Variants in LRMDA observed in about 807,000 individuals in gnomAD.
LRMDA encodes leucine rich melanocyte differentiation associated.
A neutral mutation model predicts 29.8 loss-of-function variants in LRMDA; 18 were observed. The observed-to-expected ratio is 0.60, with a 90% CI of 0.42 to 0.90. The LOEUF (loss-of-function observed/expected upper bound fraction) is 0.90. LRMDA is among the 40% of genes least tolerant of loss of function. The pLI, the probability that LRMDA is intolerant of heterozygous loss-of-function variation, is 0.00. For synonymous variants in LRMDA, 125 were observed against 109.4 expected (o/e 1.14, Z -0.89); for missense variants, 273 against 273.9 (o/e 1.00, Z 0.02).
chr10:75,753,782 G>A (rs1289503599), intron 2 of LRMDA, among the ~76,000 whole-genome samples: 2 of 152,206 alleles, frequency 1.3e-5, no homozygotes, highest in African/African-American at 4.8e-5. Context: ...TTAGAAATGA[G>A]GCAGGCAAGA....
intron 2 of LRMDA, among the ~76,000 whole-genome samples, chr10:75,897,846 G>T (rs995317875): frequency 1.0e-5 from 1 of 99,572 alleles, no homozygotes; most frequent in Non-Finnish European, 1.9e-5. Flanking sequence ...TTTTTGAGAC[G>T]GAGTCTCACG....
chr10:75,890,439 T>C (rs560891281), intron 2 of LRMDA, among the ~76,000 whole-genome samples: 1 of 152,322 alleles, frequency 6.6e-6, no homozygotes, highest in Non-Finnish European at 1.5e-5. Flanking sequence ...CAGGATGTAA[T>C]CAGTTCTCAC....
intron 5 of LRMDA, among the ~76,000 whole-genome samples, chr10:76,207,483 CTGACT>C (rs1851557870): frequency 6.6e-6 from 1 of 152,174 alleles, no homozygotes; most frequent in Non-Finnish European, 1.5e-5. Flanking sequence ...CACATTATTA[CTGACT>C]TAAGTATTTA....
At chr10:76,264,674 G>C (rs1411610666) in intron 5 of LRMDA, among the ~76,000 whole-genome samples, 1 of 152,060 alleles carries the variant, frequency 6.6e-6, no homozygotes, top group Non-Finnish European at 1.5e-5. Flanking sequence ...TTAATTCTTT[G>C]GGAGAGGAGT....
intron 2 of LRMDA, among the ~76,000 whole-genome samples, chr10:75,497,644 T>A (rs1318956224): frequency 1.3e-5 from 2 of 152,030 alleles, no homozygotes; most frequent in African/African-American, 2.4e-5. Flanking sequence ...TTGCTCTTTT[T>A]TTTTTTCTTT....
intron 6 of LRMDA, among the ~76,000 whole-genome samples, chr10:76,335,609 T>C (rs1840957616): frequency 6.6e-6 from 1 of 152,174 alleles, no homozygotes; most frequent in Non-Finnish European, 1.5e-5. Flanking sequence ...GAGACATCAA[T>C]CAAATACATG....
chr10:76,243,353 A>G (rs1324550038), intron 5 of LRMDA, among the ~76,000 whole-genome samples: 1 of 151,538 alleles, frequency 6.6e-6, no homozygotes, highest in Non-Finnish European at 1.5e-5. Flanking sequence ...GGGCTTGGTA[A>G]CAAATACTAT....
chr10:75,666,816 T>C (rs1228596058), intron 2 of LRMDA, among the ~76,000 whole-genome samples: 1 of 152,156 alleles, frequency 6.6e-6, no homozygotes, highest in Non-Finnish European at 1.5e-5. Context: ...GCCAGATGGG[T>C]CCAGTACTAC....
chr10:76,518,280 CATCTATCT>C (rs10568061), intron 6 of LRMDA, among the ~76,000 whole-genome samples: 7,209 of 146,620 alleles, frequency 0.049, 218 homozygotes, highest in Middle Eastern at 0.081. Flanking sequence ...ATTTATCTAT[CATCTATCT>C]ATCTATCTAT....
chr10:76,449,894 T>C (rs1292537990), intron 6 of LRMDA, among the ~76,000 whole-genome samples: 1 of 152,048 alleles, frequency 6.6e-6, no homozygotes, highest in Non-Finnish European at 1.5e-5. Context: ...CATTTTATGA[T>C]AAAATCCTGA....
At chr10:76,246,538 C>A (rs1265349152) in intron 5 of LRMDA, among the ~76,000 whole-genome samples, 1 of 121,022 alleles carries the variant, frequency 8.3e-6, no homozygotes, top group Non-Finnish European at 1.9e-5. Context: ...GTGCTTGGAA[C>A]CAGGGGTGCA....
chr10:76,165,193 G>A (rs977706148), intron 5 of LRMDA, among the ~76,000 whole-genome samples: 3 of 151,592 alleles, frequency 2.0e-5, no homozygotes, highest in Admixed American at 1.3e-4. Flanking sequence ...GGCTGGTCTC[G>A]AACTCTTGAC....
chr10:76,453,816 G>T (rs1842430296), intron 6 of LRMDA, among the ~76,000 whole-genome samples: 1 of 152,124 alleles, frequency 6.6e-6, no homozygotes, highest in Admixed American at 6.5e-5. Flanking sequence ...GTTCATAATT[G>T]TACCATTTGA....
chr10:76,443,366 A>G (rs1035762273), intron 6 of LRMDA, among the ~76,000 whole-genome samples: 2 of 152,216 alleles, frequency 1.3e-5, no homozygotes, highest in African/African-American at 2.4e-5. Context: ...TGACTCTGGC[A>G]TCACATCTTC....
At chr10:76,510,531 A>G (rs928085600) in intron 6 of LRMDA, among the ~76,000 whole-genome samples, 6 of 152,196 alleles carry the variant, frequency 3.9e-5, no homozygotes, top group Non-Finnish European at 7.3e-5. Context: ...ATAGCTGGGA[A>G]GAGCACAGAC....
Position 76,363,610 on chromosome 10 carries a change from C to G in LRMDA, c.601+39125C>G, listed in dbSNP as rs116752376. Among the ~76,000 whole-genome samples the G allele has an allele frequency of 3.1e-3, 476 of 151,770 alleles. 4 individuals are homozygous for G. Among genetic ancestry groups the G allele is most frequent in the African/African-American group, 0.011 (447 of 41,180 alleles). On this transcript the variant is annotated intron_variant, in intron 6 of 6. Coordinates refer to ENST00000611255, the MANE Select transcript of LRMDA (RefSeq NM_001305581.2). The stretch of plus-strand genomic sequence containing the variant: ...AAATTAGAAAGGCAGATCTAGATAA[C>G]ATGGAATACTTTTGCTTACTCTTTC...
chr10:75,862,410 TTTCCCATTAGGGCACAGTCCC>T (rs1844947757), intron 2 of LRMDA, among the ~76,000 whole-genome samples: 1 of 152,154 alleles, frequency 6.6e-6, no homozygotes, highest in Non-Finnish European at 1.5e-5. Flanking sequence ...AACTACCTGT[TTTCCCATTAGGGCACAGTCCC>T]TTCCCATTAG....
At chr10:76,303,517 ATCTCT>A (rs1246701603) in intron 5 of LRMDA, among the ~76,000 whole-genome samples, 4 of 151,906 alleles carry the variant, frequency 2.6e-5, no homozygotes, top group East Asian at 1.9e-4. Context: ...GCTCTCAGTG[ATCTCT>A]TCTTTCTTAC....
At chr10:75,804,663 G>T (rs1243228656) in intron 2 of LRMDA, among the ~76,000 whole-genome samples, 1 of 152,228 alleles carries the variant, frequency 6.6e-6, no homozygotes, top group African/African-American at 2.4e-5. Flanking sequence ...GCCATTCCGA[G>T]GCCTGGGCCG....
Sources: gnomAD v4.1 joint callset for allele counts (sites outside exome capture counted in the v4.1 genomes callset) on GRCh38, gnomAD v4.1.1 for gene constraint, MANE v1.5 for transcripts, NCBI Gene and HGNC (gene_info 2026-07-23, HGNC 2026-07-21) for gene names.